The following VWC2L variants were observed in gnomAD, a reference collection of about 807,000 sequenced individuals.
VWC2L encodes von Willebrand factor C domain-containing protein 2-like.
A neutral mutation model predicts 21.6 loss-of-function variants in VWC2L; 10 were observed. The observed-to-expected ratio is 0.46, with a 90% CI of 0.29 to 0.78. VWC2L has a LOEUF of 0.78. VWC2L is among the 30% of genes least tolerant of loss of function. The pLI is 0.10. For synonymous variants in VWC2L, 96 were observed against 94.3 expected (o/e 1.02, Z -0.10); for missense variants, 209 against 277.1 (o/e 0.75, Z 1.74).
intron 3 of VWC2L, among the ~76,000 whole-genome samples, chr2:214,497,968 G>A (rs962244195): frequency 3.3e-5 from 5 of 152,178 alleles, no homozygotes; most frequent in Non-Finnish European, 5.9e-5. Context: ...CCAAATAGAA[G>A]TTGGGGGAGA....
chr2:214,568,264 T>C (rs902047775), intron 3 of VWC2L, among the ~76,000 whole-genome samples: 1 of 152,198 alleles, frequency 6.6e-6, no homozygotes, highest in Admixed American at 6.5e-5. Context: ...ATCTCCTCCA[T>C]GACTTGAAAT....
chr2:214,449,924 A>G (rs1483025759), intron 3 of VWC2L, among the ~76,000 whole-genome samples: 1 of 152,142 alleles, frequency 6.6e-6, no homozygotes, highest in Non-Finnish European at 1.5e-5. Context: ...CTAATGCAAT[A>G]TATCTGCCTT....
chr2:214,469,585 ACT>A (rs545060839), intron 3 of VWC2L, among the ~76,000 whole-genome samples: 4 of 149,604 alleles, frequency 2.7e-5, no homozygotes, highest in African/African-American at 7.4e-5. Flanking sequence ...ACAGAGGGAG[ACT>A]CTGTCTCCAA....
At chr2:214,532,931 G>GGACCCTGTGCTAGAGACAGGA (rs71037376) in intron 3 of VWC2L, among the ~76,000 whole-genome samples, 8 of 151,714 alleles carry the variant, frequency 5.3e-5, no homozygotes, top group African/African-American at 1.9e-4. Context: ...TAGAGAGAGG[G>GGACCCTGTGCTAGAGACAGGA]GACCCTGACA....
chr2:214,542,180 G>A (rs1689639683), intron 3 of VWC2L, among the ~76,000 whole-genome samples: 1 of 152,134 alleles, frequency 6.6e-6, no homozygotes. Flanking sequence ...GTGCAGTGCA[G>A]TAAAATTTTG....
At chr2:214,449,649 T>C (rs1433271904) in intron 3 of VWC2L, among the ~76,000 whole-genome samples, 2 of 152,220 alleles carry the variant, frequency 1.3e-5, no homozygotes, top group East Asian at 3.8e-4. Context: ...GATATTTAAA[T>C]GTAGCTCTGA....
intron 2 of VWC2L, among the ~76,000 whole-genome samples, chr2:214,432,969 C>G (rs563205248): frequency 2.6e-4 from 39 of 150,940 alleles, no homozygotes; most frequent in Non-Finnish European, 4.9e-4. Context: ...TTGCAGTAAG[C>G]CAAGATTGTG....
At chr2:214,490,328 T>TA (rs1688728987) in intron 3 of VWC2L, among the ~76,000 whole-genome samples, 1 of 151,892 alleles carries the variant, frequency 6.6e-6, no homozygotes, top group Admixed American at 6.6e-5. Context: ...ACTAAATCTT[T>TA]TTTTTTTTTG....
At chr2:214,456,983 A>G (rs552491236) in intron 3 of VWC2L, among the ~76,000 whole-genome samples, 1 of 151,826 alleles carries the variant, frequency 6.6e-6, no homozygotes, top group East Asian at 1.9e-4. Context: ...TAACTTTTTA[A>G]TTTATTTTGA....
chr2:214,447,590 C>T (rs147748812), intron 3 of VWC2L, among the ~76,000 whole-genome samples: 36 of 152,236 alleles, frequency 2.4e-4, no homozygotes, highest in African/African-American at 8.4e-4. Flanking sequence ...TTTGTGTAAC[C>T]TTTGTGCAGG....
intron 3 of VWC2L, among the ~76,000 whole-genome samples, chr2:214,536,169 G>A (rs1689526242): frequency 6.6e-6 from 1 of 152,054 alleles, no homozygotes; most frequent in Non-Finnish European, 1.5e-5. Flanking sequence ...TTGGAATGTT[G>A]GAATGTTGAA....
chr2:214,527,918 T>G (rs916597797), intron 3 of VWC2L, among the ~76,000 whole-genome samples: 8 of 152,228 alleles, frequency 5.3e-5, no homozygotes, highest in African/African-American at 1.4e-4. Flanking sequence ...ATATTAAGTC[T>G]TTCTCAACCA....
chr2:214,501,721 CAAAAAAAAAAAAA>C (rs776608301), intron 3 of VWC2L, among the ~76,000 whole-genome samples: 1 of 79,108 alleles, frequency 1.3e-5, no homozygotes, highest in Non-Finnish European at 2.4e-5. Flanking sequence ...GACTCTGTCT[CAAAAAAAAAAAAA>C]AAAAAAAAAA....
intron 3 of VWC2L, among the ~76,000 whole-genome samples, chr2:214,446,033 C>A (rs1284014824): frequency 6.6e-6 from 1 of 152,166 alleles, no homozygotes; most frequent in African/African-American, 2.4e-5. Flanking sequence ...TATCCATTTA[C>A]ATTTTTATGA....
At chr2:214,482,648 A>C (rs1022650414) in intron 3 of VWC2L, among the ~76,000 whole-genome samples, 3 of 147,628 alleles carry the variant, frequency 2.0e-5, no homozygotes, top group Non-Finnish European at 4.5e-5. Context: ...TTAATAAATA[A>C]ATATATATAT....
chr2:214,443,221 C>CA (rs1397126927), intron 3 of VWC2L, among the ~76,000 whole-genome samples: 3 of 151,654 alleles, frequency 2.0e-5, no homozygotes, highest in African/African-American at 7.3e-5. Flanking sequence ...GCTACAACAA[C>CA]AAAAAAAGCT....
chr2:214,498,282 G>A (rs1688839266), intron 3 of VWC2L, among the ~76,000 whole-genome samples: 1 of 152,142 alleles, frequency 6.6e-6, no homozygotes, highest in South Asian at 2.1e-4. Flanking sequence ...TGGACATAGA[G>A]AAAAACTCTT....
At chr2:214,512,390 C>A (rs1231405600) in intron 3 of VWC2L, among the ~76,000 whole-genome samples, 1 of 152,044 alleles carries the variant, frequency 6.6e-6, no homozygotes, top group African/African-American at 2.4e-5. Context: ...ACAACACACA[C>A]TGGGGCCTGT....
At chr2:214,449,511 G>A (rs926583599) in intron 3 of VWC2L, among the ~76,000 whole-genome samples, 2 of 152,182 alleles carry the variant, frequency 1.3e-5, no homozygotes, top group Admixed American at 1.3e-4. Flanking sequence ...TTAAAAATAA[G>A]TCAGAAATAT....
Sources: gnomAD v4.1 joint callset for allele counts (sites outside exome capture counted in the v4.1 genomes callset) on GRCh38, gnomAD v4.1.1 for gene constraint, MANE v1.5 for transcripts, NCBI Gene and HGNC (gene_info 2026-07-23, HGNC 2026-07-21) for gene names.